The following OR51C1 variants were observed in gnomAD, a reference collection of about 807,000 sequenced individuals.
OR51C1 encodes olfactory receptor OR51C1.
chr11:4,691,891 T>G, the OR51C1 span, among the ~76,000 whole-genome samples: 7 of 152,208 alleles, frequency 4.6e-5, no homozygotes, highest in Non-Finnish European at 8.8e-5. Flanking sequence ...GTGGGCACTT[T>G]GGTTTGTTTT....
At chr11:4,691,590 A>G in the OR51C1 span, 3 of 456,552 alleles carry the variant, frequency 6.6e-6, no homozygotes, top group South Asian at 3.1e-5. Context: ...GAGAGCAGTT[A>G]CAGAGAGGAA....
chr11:4,692,500 AC>A, the OR51C1 span, among the ~76,000 whole-genome samples: 1 of 152,248 alleles, frequency 6.6e-6, no homozygotes, highest in African/African-American at 2.4e-5. Flanking sequence ...CTTAGGAGAT[AC>A]CTAATTGAAT....
At chr11:4,691,581 A>G in the OR51C1 span, 51 of 456,730 alleles carry the variant, frequency 1.1e-4, no homozygotes, top group Admixed American at 1.2e-3. Context: ...GTTTCCCAAG[A>G]GAGCAGTTAC....
the OR51C1 span, chr11:4,691,410 G>A: frequency 2.4e-3 from 1,089 of 457,886 alleles, 3 homozygotes; most frequent in Non-Finnish European, 4.1e-3. Context: ...GGACAAGCAG[G>A]CATTAAAGCT....
chr11:4,693,673 G>T, the OR51C1 span, among the ~76,000 whole-genome samples: 1,622 of 152,228 alleles, frequency 0.011, 20 homozygotes, highest in African/African-American at 0.037. Flanking sequence ...GGTGAACCGA[G>T]ATGGCGCCAT....
At chr11:4,696,367 A>G in the OR51C1 span, among the ~76,000 whole-genome samples, 13 of 152,122 alleles carry the variant, frequency 8.5e-5, no homozygotes, top group African/African-American at 3.1e-4. Flanking sequence ...ACACACACAC[A>G]TGTGTGCACA....
At chr11:4,691,893 G>C in the OR51C1 span, among the ~76,000 whole-genome samples, 1 of 152,176 alleles carries the variant, frequency 6.6e-6, no homozygotes, top group Non-Finnish European at 1.5e-5. Flanking sequence ...GGGCACTTTG[G>C]TTTGTTTTTG....
chr11:4,691,484 G>C, the OR51C1 span: 6 of 456,434 alleles, frequency 1.3e-5, no homozygotes, highest in South Asian at 9.3e-5. Context: ...TGGACAGGCC[G>C]AGGTCAGTGG....
the OR51C1 span, chr11:4,691,078 C>T: frequency 2.2e-6 from 1 of 456,728 alleles, no homozygotes; most frequent in Non-Finnish European, 4.4e-6. Context: ...TCTACACCAA[C>T]AGTAGAGAAC....
chr11:4,691,416 A>C, the OR51C1 span: 15 of 457,868 alleles, frequency 3.3e-5, no homozygotes, highest in South Asian at 1.9e-4. Flanking sequence ...GCAGGCATTA[A>C]AGCTGATTTC....
At chr11:4,697,553 A>C in the OR51C1 span, 1 of 152,620 alleles carries the variant, frequency 6.6e-6, no homozygotes, top group Non-Finnish European at 1.5e-5. Context: ...CCAACATCTA[A>C]TCTAATTCTG....
At chr11:4,692,982 T>A in the OR51C1 span, among the ~76,000 whole-genome samples, 222 of 152,306 alleles carry the variant, frequency 1.5e-3, 7 homozygotes, top group Admixed American at 0.014. Context: ...AAATTTACAG[T>A]AATGACAGTG....
chr11:4,690,748 T>C, the OR51C1 span: 1 of 390,542 alleles, frequency 2.6e-6, no homozygotes, highest in East Asian at 7.1e-5. Flanking sequence ...AGTGCTAGAA[T>C]TCTACAATTT....
At chr11:4,691,727 A>G in the OR51C1 span, 5 of 347,504 alleles carry the variant, frequency 1.4e-5, no homozygotes, top group South Asian at 2.3e-5. Flanking sequence ...ACAGAACGAG[A>G]TGAGAGCTTA....
At chr11:4,692,315 G>A in the OR51C1 span, among the ~76,000 whole-genome samples, 7 of 152,236 alleles carry the variant, frequency 4.6e-5, no homozygotes, top group South Asian at 8.3e-4. Flanking sequence ...TATGATACCC[G>A]GCATCATATT....
the OR51C1 span, among the ~76,000 whole-genome samples, chr11:4,696,254 C>T: frequency 6.6e-6 from 1 of 152,130 alleles, no homozygotes; most frequent in African/African-American, 2.4e-5. Flanking sequence ...AAATGGAACT[C>T]ATTCTCTCGT....
the OR51C1 span, among the ~76,000 whole-genome samples, chr11:4,693,192 A>G: frequency 6.6e-6 from 1 of 152,356 alleles, no homozygotes; most frequent in East Asian, 1.9e-4. Context: ...GCATACATGT[A>G]TAACAACATC....
chr11:4,697,358 G>T, the OR51C1 span, among the ~76,000 whole-genome samples: 1 of 152,188 alleles, frequency 6.6e-6, no homozygotes, highest in African/African-American at 2.4e-5. Context: ...TTCATTTTTA[G>T]TAATAGTTAT....
chr11:4,692,802 A>G, the OR51C1 span, among the ~76,000 whole-genome samples: 1 of 150,568 alleles, frequency 6.6e-6, no homozygotes, highest in South Asian at 2.2e-4. Flanking sequence ...AGACTCACAC[A>G]TTCACCCTGA....
Sources: gnomAD v4.1 joint callset for allele counts (sites outside exome capture counted in the v4.1 genomes callset) on GRCh38, gnomAD v4.1.1 for gene constraint, MANE v1.5 for transcripts, NCBI Gene and HGNC (gene_info 2026-07-23, HGNC 2026-07-21) for gene names.